Variants in BBS9 observed in about 807,000 individuals in gnomAD.
BBS9 encodes the protein protein PTHB1.
In BBS9, 89 loss-of-function variants were observed where a neutral mutation model predicts 117.7. The observed-to-expected ratio is 0.76, with a 90% CI of 0.64 to 0.90. BBS9 has a LOEUF of 0.90. BBS9 is among the 40% of genes least tolerant of loss of function. BBS9 has a pLI of 0.00. For missense variants in BBS9, 982 were observed against 1,042.2 expected (o/e 0.94, Z 0.80); for synonymous variants, 379 against 370.9 (o/e 1.02, Z -0.25).
At chr7:33,458,286 T>TA (rs1193443998) in intron 19 of BBS9, among the ~76,000 whole-genome samples, 2 of 152,188 alleles carry the variant, frequency 1.3e-5, no homozygotes, top group African/African-American at 4.8e-5. Flanking sequence ...AGAAAAAATG[T>TA]AAAAGATAAA....
intron 4 of BBS9, 136 bp downstream of exon 4, chr7:33,155,838 A>G (rs994271097): frequency 1.8e-5 from 10 of 559,784 alleles, no homozygotes; most frequent in Non-Finnish European, 3.2e-5. Context: ...CTTGGTTAAC[A>G]TTTTCCCATT....
In BBS9 at chr7:33,193,421, C is replaced by CGTTTTTTTTTTTTTTTTTTTT. The variant is rs1562773513; in HGVS notation, c.442+15830_442+15831insGTTTTTTTTTTTTTTTTTTTT. ...TTGTCTTCCCCTGTCCCTCTCTCTG[C>CGTTTTTTTTTTTTTTTTTTTT]CTTTTTTTTTTTTTTTTTTTGTAGT... On this transcript the variant is annotated intron_variant, in intron 5 of 22. Coordinates refer to ENST00000242067, the MANE Select transcript of BBS9 (RefSeq NM_198428.3). Among the ~76,000 whole-genome samples, 2 of 67,790 alleles carry CGTTTTTTTTTTTTTTTTTTTT rather than the reference C, an allele frequency of 3.0e-5. 1 individual carries two copies. The allele number at this position is 67,790 out of a possible 152,430, so 44.5% of individuals were successfully genotyped here.
chr7:33,182,580 G>A (rs1440736973), intron 5 of BBS9, among the ~76,000 whole-genome samples: 1 of 152,172 alleles, frequency 6.6e-6, no homozygotes, highest in Non-Finnish European at 1.5e-5. Flanking sequence ...CTTTAAAGCT[G>A]TGTTTTTATT....
At chr7:33,604,543 G>C (rs1047599955) in intron 21 of BBS9, among the ~76,000 whole-genome samples, 8 of 151,950 alleles carry the variant, frequency 5.3e-5, no homozygotes, top group Admixed American at 1.3e-4. Context: ...CCTGCCGAGG[G>C]GCCTTTATAT....
At chr7:33,618,112 G>T (rs1202394044) in intron 21 of BBS9, among the ~76,000 whole-genome samples, 1 of 152,090 alleles carries the variant, frequency 6.6e-6, no homozygotes, top group Non-Finnish European at 1.5e-5. Flanking sequence ...GGCCAAGGCA[G>T]GATGATTGCC....
chr7:33,359,715 A>G (rs557955982), intron 16 of BBS9, among the ~76,000 whole-genome samples: 7 of 152,188 alleles, frequency 4.6e-5, no homozygotes, highest in Non-Finnish European at 1.0e-4. Flanking sequence ...TGTTTTTTTT[A>G]ACTGAAAGAA....
Position 33,152,831 on chromosome 7 carries a change from G to A in BBS9, c.243G>A (p.Val81=). ...EVDLRDPVLQ[V]EVGKFVSGTE... ...ATCTACGAGATCCAGTACTTCAAGT[G>A]GAAGTAGGAAAGTTTGTTTCGTAAG... The change falls in exon 3 of 23, where the codon GTG becomes GTA. Residue 81 remains valine, a synonymous_variant. Coordinates refer to ENST00000242067, the MANE Select transcript of BBS9 (RefSeq NM_198428.3). The A allele has an allele frequency of 6.2e-7, 1 of 1,613,936 alleles. No individual in the cohort carries two copies. The highest frequency in any genetic ancestry group is 8.5e-7 in the Non-Finnish European group (1 of 1,179,938).
At chr7:33,212,388 A>G (rs763659091) in intron 5 of BBS9, among the ~76,000 whole-genome samples, 2 of 151,572 alleles carry the variant, frequency 1.3e-5, no homozygotes, top group African/African-American at 4.9e-5. Context: ...GTATTTTTCA[A>G]CTCCAGAATT....
chr7:33,436,774 G>T (rs760037798), intron 19 of BBS9, among the ~76,000 whole-genome samples: 2 of 152,202 alleles, frequency 1.3e-5, no homozygotes, highest in African/African-American at 4.8e-5. Flanking sequence ...GGAAGGGGAC[G>T]TGTCTTCTTC....
At chr7:33,155,573 TA>T in intron 3 of BBS9, 64 bp from the exon 4 acceptor site, 1 of 1,077,742 alleles carries the variant, frequency 9.3e-7, no homozygotes, top group Middle Eastern at 2.0e-4. Flanking sequence ...GAAATTATTT[TA>T]CAACTTTTTG....
At chr7:33,423,195 G>A (rs775914128) in intron 19 of BBS9, among the ~76,000 whole-genome samples, 20 of 152,082 alleles carry the variant, frequency 1.3e-4, no homozygotes, top group African/African-American at 2.4e-4. Context: ...GCCTGGCTAC[G>A]TGATAAGATT....
chr7:33,327,287 C>T (rs559100340), intron 9 of BBS9, among the ~76,000 whole-genome samples: 25 of 152,186 alleles, frequency 1.6e-4, no homozygotes, highest in African/African-American at 5.3e-4. Context: ...GCCAGAGGAG[C>T]CACCGGAGGA....
At chr7:33,256,530 A>G (rs1262249837) in intron 5 of BBS9, among the ~76,000 whole-genome samples, 5 of 151,964 alleles carry the variant, frequency 3.3e-5, no homozygotes, top group Non-Finnish European at 7.4e-5. Context: ...TTTCTTTTTA[A>G]AAGTTGCTTA....
intron 21 of BBS9, among the ~76,000 whole-genome samples, chr7:33,613,353 T>G (rs1385229943): frequency 6.6e-6 from 1 of 152,086 alleles, no homozygotes; most frequent in Non-Finnish European, 1.5e-5. Flanking sequence ...TCTCCTTGAT[T>G]AACGTCTTTT....
At chr7:33,146,967 T>TA (rs1461178153) in intron 2 of BBS9, among the ~76,000 whole-genome samples, 1 of 152,136 alleles carries the variant, frequency 6.6e-6, no homozygotes, top group Non-Finnish European at 1.5e-5. Flanking sequence ...GGACAGTTAG[T>TA]AAAATATTTT....
chr7:33,455,494 T>C (rs990739820), intron 19 of BBS9, among the ~76,000 whole-genome samples: 2 of 152,226 alleles, frequency 1.3e-5, no homozygotes, highest in Non-Finnish European at 2.9e-5. Flanking sequence ...TTATCCCTTC[T>C]TCTTTTTTGT....
chr7:33,544,476 C>A (rs984912047), intron 21 of BBS9, among the ~76,000 whole-genome samples: 8 of 152,152 alleles, frequency 5.3e-5, no homozygotes, highest in African/African-American at 1.9e-4. Flanking sequence ...TGGGTCTTAG[C>A]CACCCAGCTA....
rs113518488 is a variant in BBS9, at chr7:33,257,324, C to T, written c.531C>T (p.Gly177=). 3.7e-6 allele frequency: 6 copies of T among 1,613,716 alleles called. No homozygotes were observed. The African/African-American group carries it at 8.0e-5, about 22-fold the overall frequency. ...ATGCTTTTGGAAGATTTCTCCCTGG[C>T]TTTCTTCTGCCTGGTCCTCTTGCCT... ...ESYAFGRFLP[G]FLLPGPLAYS... Residue 177 remains glycine (G), a synonymous_variant, in exon 6 of 23, where the codon GGC becomes GGT. Coordinates refer to ENST00000242067, the MANE Select transcript of BBS9 (RefSeq NM_198428.3).
intron 5 of BBS9, among the ~76,000 whole-genome samples, chr7:33,186,016 A>T (rs1035854445): frequency 4.6e-5 from 7 of 152,228 alleles, no homozygotes; most frequent in African/African-American, 1.7e-4. Flanking sequence ...ATTAAAAATA[A>T]ATGTAACTTC....
Sources: gnomAD v4.1 joint callset for allele counts (sites outside exome capture counted in the v4.1 genomes callset) on GRCh38, gnomAD v4.1.1 for gene constraint, MANE v1.5 for transcripts, NCBI Gene and HGNC (gene_info 2026-07-23, HGNC 2026-07-21) for gene names.